Variants in SLIT2 observed in about 807,000 individuals in gnomAD.
The protein encoded by SLIT2 is slit guidance ligand 2.
SLIT2 carries 41 observed loss-of-function variants against 185.7 expected under a neutral mutation model. That is an observed-to-expected ratio of 0.22 (90% CI 0.17 to 0.29). The LOEUF (loss-of-function observed/expected upper bound fraction) is 0.29, where lower values mean the gene tolerates loss of function less well. Ranked by LOEUF, SLIT2 falls within the 10% of genes least tolerant of loss-of-function variation. The probability of loss-of-function intolerance (pLI) is 1.00; values close to 1 mark genes in which losing one functional copy is unlikely to be tolerated. For missense variants in SLIT2, 1,571 were observed against 1,909.0 expected (o/e 0.82, Z 3.30); for synonymous variants, 693 against 680.2 (o/e 1.02, Z -0.29).
intron 29 of SLIT2, among the ~76,000 whole-genome samples, chr4:20,575,474 T>C (rs1375941151): frequency 6.6e-6 from 1 of 152,194 alleles, no homozygotes; most frequent in Non-Finnish European, 1.5e-5. Context: ...AAAACTTCTA[T>C]GAAACAACGA....
Position 20,546,062 on chromosome 4 carries a change from C to T in SLIT2, c.2308C>T (p.Pro770Ser), listed in dbSNP as rs772549723. 2 of 1,585,664 alleles carry T rather than the reference C, an allele frequency of 1.3e-6. No homozygotes were observed. The highest frequency in any genetic ancestry group is 1.7e-6 in the Non-Finnish European group (2 of 1,160,838). Residue 770 changes from proline to serine, a missense_variant, in exon 22 of 37, where the codon CCC becomes TCC. Transcript: ENST00000504154. ...GGATGGAAACCAATTTACACTGGTT[C>T]CCAAGGAACTCTCCAACTACAAACA... ...YLDGNQFTLV[P>S]KELSNYKHLT...
intron 4 of SLIT2, among the ~76,000 whole-genome samples, chr4:20,369,043 T>A (rs537469640): frequency 6.6e-6 from 1 of 152,262 alleles, no homozygotes; most frequent in African/African-American, 2.4e-5. Flanking sequence ...AGGAATTCAA[T>A]TGCAGTTGAC....
At chr4:20,428,931 G>A (rs1450303057) in intron 4 of SLIT2, among the ~76,000 whole-genome samples, 2 of 152,230 alleles carry the variant, frequency 1.3e-5, no homozygotes, top group Non-Finnish European at 2.9e-5. Flanking sequence ...AGGAGGGCCT[G>A]TGGCCTGAGA....
chr4:20,477,600 A>C (rs1716258876), intron 5 of SLIT2, among the ~76,000 whole-genome samples: 1 of 152,170 alleles, frequency 6.6e-6, no homozygotes. Context: ...ATAGAGAGGT[A>C]ATTTGGAATT....
chr4:20,574,524 C>T (rs1423696193), intron 29 of SLIT2, among the ~76,000 whole-genome samples: 8 of 152,258 alleles, frequency 5.3e-5, no homozygotes, highest in East Asian at 1.9e-4. Context: ...CAGTGGCTTA[C>T]GCCTGCAATC....
chr4:20,309,900 C>T (rs1179298966), intron 4 of SLIT2, among the ~76,000 whole-genome samples: 3 of 151,852 alleles, frequency 2.0e-5, no homozygotes, highest in South Asian at 2.1e-4. Flanking sequence ...GCTGGGACTA[C>T]AGGCGCCCAC....
chr4:20,609,777 C>T (rs1441391152), intron 33 of SLIT2, among the ~76,000 whole-genome samples: 6 of 152,154 alleles, frequency 3.9e-5, no homozygotes, highest in African/African-American at 7.2e-5. Flanking sequence ...GTTATTTCTA[C>T]TTCTTGTCAT....
At chr4:20,488,682 A>G (rs1037957455) in intron 7 of SLIT2, 137 bp from the exon 8 acceptor site, 5 of 551,398 alleles carry the variant, frequency 9.1e-6, no homozygotes, top group Non-Finnish European at 1.5e-5. Flanking sequence ...ATTGTACATC[A>G]GTTTAATTTT....
At chr4:20,437,121 A>G (rs1204695238) in intron 4 of SLIT2, among the ~76,000 whole-genome samples, 1 of 152,112 alleles carries the variant, frequency 6.6e-6, no homozygotes, top group Non-Finnish European at 1.5e-5. Context: ...TGACTCCCAA[A>G]TTTATCTTTA....
At chr4:20,493,807 A>G (rs921302631) in intron 9 of SLIT2, among the ~76,000 whole-genome samples, 2 of 152,212 alleles carry the variant, frequency 1.3e-5, no homozygotes, top group African/African-American at 4.8e-5. Flanking sequence ...CAAGCATAGA[A>G]GTCTTTGTGT....
At chr4:20,536,329 G>A (rs1220438128) in intron 18 of SLIT2, among the ~76,000 whole-genome samples, 1 of 152,104 alleles carries the variant, frequency 6.6e-6, no homozygotes, top group Non-Finnish European at 1.5e-5. Flanking sequence ...GCCAAGGCGG[G>A]TGGATTACTT....
At chr4:20,567,485 T>G in intron 27 of SLIT2, 33 bp from the exon 28 acceptor site, 1 of 1,609,754 alleles carries the variant, frequency 6.2e-7, no homozygotes, top group Non-Finnish European at 8.5e-7. Flanking sequence ...CAAGAACTAC[T>G]TCACTCGACT....
At chr4:20,417,436 G>GTGTGTGTATATATATATATATATATA in intron 4 of SLIT2, among the ~76,000 whole-genome samples, 1 of 123,678 alleles carries the variant, frequency 8.1e-6, no homozygotes, top group Non-Finnish European at 1.8e-5. Context: ...ATGTGTGTGT[G>GTGTGTGTATATATATATATATATATA]TATATATATA....
chr4:20,254,987 C>T lies in SLIT2; in HGVS notation c.179+993C>T. 1 of 456,324 alleles carries T rather than the reference C, an allele frequency of 2.2e-6. No individual in the cohort carries two copies. Among genetic ancestry groups the T allele is most frequent in the Non-Finnish European group, 4.4e-6 (1 of 226,982 alleles). The allele number at this position is 456,324 out of a possible 1,614,324, so 28.3% of individuals were successfully genotyped here. The stretch of plus-strand genomic sequence containing the variant: ...GACGGCCCACGCGCTCCTGATGAGG[C>T]GCTTCCAGAGTTCAGCGAAGTGGAG... On this transcript the variant is annotated intron_variant, in intron 1 of 36. Transcript: ENST00000504154. The surrounding 1 kb of genome is among the most constrained non-coding windows in gnomAD (Gnocchi z 5.1).
chr4:20,382,370 A>G (rs1409325147), intron 4 of SLIT2, among the ~76,000 whole-genome samples: 2 of 152,146 alleles, frequency 1.3e-5, no homozygotes, highest in Non-Finnish European at 2.9e-5. Context: ...AATAACTAAT[A>G]CAGCTTGAAA....
intron 4 of SLIT2, among the ~76,000 whole-genome samples, chr4:20,381,904 C>CGT (rs1185941158): frequency 1.7e-4 from 22 of 129,628 alleles, no homozygotes; most frequent in African/African-American, 4.8e-4. Context: ...ATACATAATA[C>CGT]ATATGTATTT....
intron 4 of SLIT2, among the ~76,000 whole-genome samples, chr4:20,418,785 ATAG>A (rs1227381921): frequency 6.6e-6 from 1 of 152,164 alleles, no homozygotes; most frequent in Admixed American, 6.6e-5. Flanking sequence ...GCTCGGGTAA[ATAG>A]TAGGAAAAAT....
chr4:20,346,522 G>A (rs1721426452), intron 4 of SLIT2, among the ~76,000 whole-genome samples: 1 of 152,200 alleles, frequency 6.6e-6, no homozygotes, highest in Non-Finnish European at 1.5e-5. Context: ...GTTGGATGAT[G>A]TATTAGGGTT....
Position 20,349,550 on chromosome 4 carries a change from A to T in SLIT2, c.395+80669A>T, listed in dbSNP as rs79894759. Among the ~76,000 whole-genome samples, 790 of 152,310 alleles carry T rather than the reference A, an allele frequency of 5.2e-3. 10 individuals are homozygous for T. The highest frequency in any genetic ancestry group is 0.018 in the African/African-American group (737 of 41,558). On this transcript the variant is annotated intron_variant, in intron 4 of 36. Coordinates refer to ENST00000504154, the MANE Select transcript of SLIT2 (RefSeq NM_004787.4). ...GTACTGTGAGCTCCACGTTTCCTGA[A>T]ACTGCAAAGTACTTGAAGCTAGTTT... is the stretch of plus-strand genomic sequence containing the variant.
Sources: gnomAD v4.1 joint callset for allele counts (sites outside exome capture counted in the v4.1 genomes callset) on GRCh38, gnomAD v4.1.1 for gene constraint, Gnocchi (gnomAD v3.1) non-coding constraint, MANE v1.5 for transcripts, NCBI Gene and HGNC (gene_info 2026-07-23, HGNC 2026-07-21) for gene names.